The following KCNG2 variants were observed in gnomAD, a reference collection of about 807,000 sequenced individuals.
The protein encoded by KCNG2 is potassium voltage-gated channel modifier subfamily G member 2.
KCNG2 carries 7 observed loss-of-function variants against 12.3 expected under a neutral mutation model. The ratio of observed to expected loss-of-function variants is 0.57; its 90% CI spans 0.32 to 1.07. KCNG2 has a LOEUF of 1.07. Among genes scored for constraint, KCNG2 ranks in the 50% least tolerant of loss-of-function variants. The pLI, the probability that KCNG2 is intolerant of heterozygous loss-of-function variation, is 0.04. For synonymous variants in KCNG2, 414 were observed against 351.4 expected (o/e 1.18, Z -1.99); for missense variants, 703 against 726.0 (o/e 0.97, Z 0.36).
intron 3 of KCNG2, among the ~76,000 whole-genome samples, chr18:79,868,642 G>A (rs1358409941): frequency 2.6e-5 from 4 of 152,228 alleles, no homozygotes; most frequent in Non-Finnish European, 1.5e-5. Context: ...CTGGGGGCTG[G>A]TGAAGGACGT....
rs2087426273 is a variant in KCNG2, at chr18:79,803,444, G to T, written c.-115+5430G>T. 6.6e-6 allele frequency among the ~76,000 whole-genome samples: 1 copy of T among 152,248 alleles called. No individual in the cohort carries two copies. The highest frequency in any genetic ancestry group is 2.1e-4 in the South Asian group (1 of 4,834). On this transcript the variant is annotated intron_variant, in intron 1 of 3. Coordinates refer to ENST00000316249, the MANE Select transcript of KCNG2 (RefSeq NM_012283.2). The surrounding 1 kb of genome is among the most constrained non-coding windows in gnomAD (Gnocchi z 4.5). ...AAAAGACATCTTCTAGAAGAGGGAA[G>T]ATAGGAAATATGTATCATTGGCTTC...
At chr18:79,858,094 G>A (rs549988764) in intron 2 of KCNG2, among the ~76,000 whole-genome samples, 117 of 152,234 alleles carry the variant, frequency 7.7e-4, no homozygotes, top group Non-Finnish European at 1.4e-3. Flanking sequence ...TCTGACTCCC[G>A]GGTTCAAGTG....
intron 1 of KCNG2, among the ~76,000 whole-genome samples, chr18:79,836,898 C>T (rs1449790042): frequency 6.6e-6 from 1 of 152,148 alleles, no homozygotes; most frequent in African/African-American, 2.4e-5. Flanking sequence ...CATATCAATT[C>T]AGCCCTGGCC....
At chr18:79,857,994 T>C (rs142144032) in intron 2 of KCNG2, among the ~76,000 whole-genome samples, 67 of 152,218 alleles carry the variant, frequency 4.4e-4, no homozygotes, top group African/African-American at 1.4e-3. Flanking sequence ...TTATCATGGA[T>C]ATTTTATTTT....
rs761843704 is a variant in KCNG2, at chr18:79,899,316, C to T, written c.901C>T (p.Leu301=). The T allele has an allele frequency of 1.7e-5, 26 of 1,553,610 alleles. No individual in the cohort carries two copies. In the African/African-American group the frequency reaches 2.1e-4, roughly 12 times the overall value. ...RALRVLYVMR[L]ARHSLGLRSL... is the part of the protein sequence containing the mutation. Reference sequence around the variant, plus strand: ...GCTGCGCGTGCTCTACGTGATGCGCCTGGCGCGCCACTCGCTGGGGCTGCG... The same window carrying T: ...GCTGCGCGTGCTCTACGTGATGCGCTTGGCGCGCCACTCGCTGGGGCTGCG... The change falls in exon 4 of 4, where the codon CTG becomes TTG. Residue 301 remains leucine, a synonymous_variant. Transcript: ENST00000316249.
intron 1 of KCNG2, among the ~76,000 whole-genome samples, chr18:79,854,443 C>T (rs1280034558): frequency 6.6e-6 from 1 of 152,070 alleles, no homozygotes; most frequent in Non-Finnish European, 1.5e-5. Context: ...TGCACGATTC[C>T]TCATCCTCAA....
intron 1 of KCNG2, among the ~76,000 whole-genome samples, chr18:79,815,885 G>T (rs879432041): frequency 6.6e-6 from 1 of 152,252 alleles, no homozygotes; most frequent in Non-Finnish European, 1.5e-5. Flanking sequence ...CCACAGGGGG[G>T]TGGCAGCCAA....
At chr18:79,891,439 C>G (rs1055004442) in intron 3 of KCNG2, among the ~76,000 whole-genome samples, 5 of 152,118 alleles carry the variant, frequency 3.3e-5, no homozygotes, top group Admixed American at 6.5e-5. Flanking sequence ...CCATGTTGCC[C>G]AGGCTGGTCT....
At chr18:79,811,172 T>A (rs554818091) in intron 1 of KCNG2, among the ~76,000 whole-genome samples, 12 of 152,298 alleles carry the variant, frequency 7.9e-5, no homozygotes, top group African/African-American at 2.9e-4. Flanking sequence ...ATCTATAGAT[T>A]CAATACAATT....
rs758653237 is a variant in KCNG2 at position 79,899,462 on chromosome 18, G to A, written c.1047G>A (p.Ala349=). 52 of 1,603,592 alleles carry A rather than the reference G, an allele frequency of 3.2e-5. No homozygotes were observed. In the East Asian group the frequency reaches 9.7e-4, roughly 30 times the overall value. Residue 349 remains alanine (A), a synonymous_variant, in exon 4 of 4, where the codon GCG becomes GCA. Transcript: ENST00000316249. ...ACCTGGCCGAGCGCGAGCTGGGCGCGCGCCGCGACTTCTCCAGCGTGCCCG... is the reference window on the plus strand; with the variant it reads ...ACCTGGCCGAGCGCGAGCTGGGCGCACGCCGCGACTTCTCCAGCGTGCCCG... ...LVHLAERELG[A]RRDFSSVPAS...
intron 3 of KCNG2, among the ~76,000 whole-genome samples, chr18:79,870,613 T>G (rs1164552497): frequency 6.6e-6 from 1 of 152,258 alleles, no homozygotes; most frequent in Non-Finnish European, 1.5e-5. Context: ...GGTTTCTGGC[T>G]GGAGGTTGTT....
At chr18:79,869,482 G>A (rs62103194) in intron 3 of KCNG2, among the ~76,000 whole-genome samples, 16,157 of 152,152 alleles carry the variant, frequency 0.11, 1,002 homozygotes, top group Middle Eastern at 0.17. Flanking sequence ...CACAGGGGAC[G>A]CACTGGCCCA....
intron 3 of KCNG2, among the ~76,000 whole-genome samples, chr18:79,873,229 G>A (rs986913004): frequency 3.3e-5 from 5 of 152,184 alleles, no homozygotes; most frequent in South Asian, 2.1e-4. Flanking sequence ...AGCGTTTCTC[G>A]CCTCCTGTCC....
chr18:79,829,229 G>A (rs202174674), intron 1 of KCNG2, among the ~76,000 whole-genome samples: 11,185 of 148,424 alleles, frequency 0.075, 946 homozygotes, highest in South Asian at 0.31. Context: ...TGTGTGTAAC[G>A]TGTCTGTGTG....
chr18:79,873,160 C>A (rs1979919277), intron 3 of KCNG2, among the ~76,000 whole-genome samples: 1 of 152,172 alleles, frequency 6.6e-6, no homozygotes, highest in African/African-American at 2.4e-5. Flanking sequence ...AATGAGAGTT[C>A]TTGCTTTGGG....
Position 79,871,362 on chromosome 18 carries a change from T to C in KCNG2, c.624+7071T>C, listed in dbSNP as rs4073600. Among the ~76,000 whole-genome samples, 619 of 152,258 alleles carry C rather than the reference T, an allele frequency of 4.1e-3. 5 individuals carry two copies. The highest frequency in any genetic ancestry group is 0.014 in the African/African-American group (600 of 41,554). ...TAGGGTGTGGACAGGACGTGGGGTG[T>C]GGCCTGTCCCTACAGCCGCAGGCAG... On this transcript the variant is annotated intron_variant, in intron 3 of 3. Coordinates refer to ENST00000316249, the MANE Select transcript of KCNG2 (RefSeq NM_012283.2).
intron 1 of KCNG2, among the ~76,000 whole-genome samples, chr18:79,802,439 G>C (rs556412929): frequency 6.6e-6 from 1 of 151,872 alleles, no homozygotes; most frequent in African/African-American, 2.4e-5. Context: ...TGTCCCAGCC[G>C]TGCCGCTCCG....
At chr18:79,807,606 G>C (rs969539397) in intron 1 of KCNG2, among the ~76,000 whole-genome samples, 1 of 152,118 alleles carries the variant, frequency 6.6e-6, no homozygotes, top group African/African-American at 2.4e-5. Context: ...ATGCTCTCAC[G>C]CCTGGGCCAG....
At chr18:79,852,760 G>A (rs1255546323) in intron 1 of KCNG2, among the ~76,000 whole-genome samples, 1 of 152,272 alleles carries the variant, frequency 6.6e-6, no homozygotes, top group East Asian at 1.9e-4. Context: ...CCAATCAGGG[G>A]CGGAGCCGTA....
Sources: gnomAD v4.1 joint callset for allele counts (sites outside exome capture counted in the v4.1 genomes callset) on GRCh38, gnomAD v4.1.1 for gene constraint, Gnocchi (gnomAD v3.1) non-coding constraint, MANE v1.5 for transcripts, NCBI Gene and HGNC (gene_info 2026-07-23, HGNC 2026-07-21) for gene names.